SLC2A10: variants seen among roughly 807,000 people sequenced by gnomAD.
SLC2A10 encodes solute carrier family 2 member 10.
In SLC2A10, 25 loss-of-function variants were observed where a neutral mutation model predicts 32.1. That is an observed-to-expected ratio of 0.78 (90% CI 0.57 to 1.09). The LOEUF is 1.09. SLC2A10 is among the 50% of genes least tolerant of loss of function. The pLI is 0.00. For synonymous variants in SLC2A10, 332 were observed against 309.6 expected (o/e 1.07, Z -0.76); for missense variants, 673 against 686.5 (o/e 0.98, Z 0.22).
Position 46,726,380 on chromosome 20 carries a change from A to T in SLC2A10, c.1288+56A>T, listed in dbSNP as rs1393507309. ...GAGACTTCTACCCCTCCTAGGGGGA[A>T]GTTTGGGGACTTCCCACCCTGATGA... On this transcript the variant is annotated intron_variant, in intron 2 of 4. Coordinates refer to ENST00000359271, the MANE Select transcript of SLC2A10 (RefSeq NM_030777.4). The T allele has an allele frequency of 5.0e-6, 8 of 1,585,206 alleles. No individual in the cohort carries two copies. In the African/African-American group the frequency reaches 5.4e-5, roughly 11 times the overall value.
rs1380674358 is a variant in SLC2A10, at chr20:46,729,338, C to T, written c.1412-15C>T. 2 of 1,613,110 alleles carry T rather than the reference C, an allele frequency of 1.2e-6. No homozygotes were observed. Among genetic ancestry groups the T allele is most frequent in the South Asian group, 2.2e-5 (2 of 91,036 alleles). ...GCTTGGTCCTGGGCCTACACTCCCG[C>T]CCTCCTGTTTCCAGGCACCATCGGC... On this transcript the variant is annotated splice_polypyrimidine_tract_variant and intron_variant, in intron 3 of 4. Coordinates refer to ENST00000359271, the MANE Select transcript of SLC2A10 (RefSeq NM_030777.4).
chr20:46,714,245 C>T (rs1046157706), intron 1 of SLC2A10, among the ~76,000 whole-genome samples: 1 of 152,226 alleles, frequency 6.6e-6, no homozygotes, highest in Non-Finnish European at 1.5e-5. Context: ...CAAACACACC[C>T]GGTCCGACTC....
chr20:46,710,720 A>G (rs533751068), intron 1 of SLC2A10, among the ~76,000 whole-genome samples: 1 of 152,318 alleles, frequency 6.6e-6, no homozygotes, highest in South Asian at 2.1e-4. Flanking sequence ...CAGGATGGCC[A>G]GAGCACAGCG....
At chr20:46,713,832 G>C (rs1979069392) in intron 1 of SLC2A10, among the ~76,000 whole-genome samples, 1 of 152,182 alleles carries the variant, frequency 6.6e-6, no homozygotes, top group Non-Finnish European at 1.5e-5. Flanking sequence ...GGCCCCGGAG[G>C]CTCAGGACGA....
chr20:46,723,361 C>A (rs1197643921), intron 1 of SLC2A10, among the ~76,000 whole-genome samples: 3 of 152,250 alleles, frequency 2.0e-5, no homozygotes, highest in Admixed American at 6.5e-5. Flanking sequence ...ACCAAAAAAA[C>A]TCCCTCTTCC....
At chr20:46,721,395 T>C (rs1318636626) in intron 1 of SLC2A10, among the ~76,000 whole-genome samples, 1 of 150,134 alleles carries the variant, frequency 6.7e-6, no homozygotes, top group Non-Finnish European at 1.5e-5. Flanking sequence ...CTACTATATA[T>C]GTGTAAAAAT....
chr20:46,715,989 G>A (rs1979215552), intron 1 of SLC2A10, among the ~76,000 whole-genome samples: 2 of 151,600 alleles, frequency 1.3e-5, no homozygotes, highest in Non-Finnish European at 2.9e-5. Context: ...CCACCACCCT[G>A]CCTGGCTAAT....
intron 1 of SLC2A10, chr20:46,710,199 G>GGAC: frequency 2.4e-6 from 1 of 416,880 alleles, no homozygotes; most frequent in Non-Finnish European, 4.2e-6. Flanking sequence ...CCCCTCCTCT[G>GGAC]GACGTGATTC....
In SLC2A10 at chr20:46,726,895, T is replaced by C. The variant is rs775312063; in HGVS notation, c.1320T>C (p.Pro440=). Residue 440 remains proline, a synonymous_variant, in exon 3 of 5, where the codon CCT becomes CCC. Transcript: ENST00000359271. The stretch of plus-strand genomic sequence containing the variant: ...GGCTTGTCCTCAGCGAGATCTACCC[T>C]GTGGAGATACGAGGAAGAGCCTTCG... ...VTWLVLSEIY[P]VEIRGRAFAF... 37 of 1,614,150 alleles carry C rather than the reference T, an allele frequency of 2.3e-5. 2 individuals carry two copies. The South Asian group carries it at 4.1e-4, about 18-fold the overall frequency.
upstream of SLC2A10, among the ~76,000 whole-genome samples, chr20:46,708,767 C>T (rs555407391): frequency 3.9e-5 from 6 of 152,196 alleles, no homozygotes; most frequent in Non-Finnish European, 7.3e-5. Flanking sequence ...AAAGCCCCTC[C>T]CTTAGCTCCC....
At chr20:46,729,209 T>C in intron 3 of SLC2A10, 144 bp from the exon 4 acceptor site, 1 of 982,292 alleles carries the variant, frequency 1.0e-6, no homozygotes, top group Non-Finnish European at 1.6e-6. Context: ...GACAGCTTAT[T>C]GGTCACTCTG....
chr20:46,730,420 C>T (rs1052163579), intron 4 of SLC2A10, among the ~76,000 whole-genome samples: 3 of 151,890 alleles, frequency 2.0e-5, no homozygotes. Context: ...ACAGGAGGAA[C>T]AAAGAAGAAA....
At chr20:46,733,717 C>T (rs1980416312) in intron 4 of SLC2A10, 39 bp from the exon 5 acceptor site, 16 of 1,584,922 alleles carry the variant, frequency 1.0e-5, no homozygotes, top group Non-Finnish European at 1.4e-5. Context: ...GGCCCCAGGC[C>T]CTGCCACCCC....
At chr20:46,729,512 T>A (rs755292223) in intron 4 of SLC2A10, 24 bp downstream of exon 4, 1 of 1,611,896 alleles carries the variant, frequency 6.2e-7, no homozygotes, top group South Asian at 1.1e-5. Context: ...AGGGTGGGTC[T>A]GGGGGAAGAG....
chr20:46,708,446 T>G (rs1002101638), upstream of SLC2A10, among the ~76,000 whole-genome samples: 3 of 152,200 alleles, frequency 2.0e-5, no homozygotes, highest in African/African-American at 7.2e-5. Flanking sequence ...CATAGCCAAC[T>G]GCCCACCTAT....
At chr20:46,733,349 G>T (rs989289079) in intron 4 of SLC2A10, among the ~76,000 whole-genome samples, 1 of 152,110 alleles carries the variant, frequency 6.6e-6, no homozygotes, top group African/African-American at 2.4e-5. Context: ...ACTACCAAAA[G>T]GGATGGTGTT....
chr20:46,733,956 AG>A lies in SLC2A10; in HGVS notation c.*124del. 1 of 905,418 alleles carries A rather than the reference AG, an allele frequency of 1.1e-6. No individual in the cohort carries two copies. Among genetic ancestry groups the A allele is most frequent in the Non-Finnish European group, 1.8e-6 (1 of 563,570 alleles). 56.1% of individuals were successfully genotyped at this position (905,418 alleles called of 1,614,324 possible). A position where few individuals can be genotyped will look rare whatever the true frequency, so the allele number is the denominator to read the frequency against. On this transcript the variant is annotated 3_prime_UTR_variant, in exon 5 of 5. Coordinates refer to ENST00000359271, the MANE Select transcript of SLC2A10 (RefSeq NM_030777.4). ...TTTTGGGAGTGGCCCCTGCCCCCAA[AG>A]GTGGTCTGCTTTTGCTGGGGTAAAA...
chr20:46,726,750 A>G (rs937010377), intron 2 of SLC2A10, 114 bp from the exon 3 acceptor site: 6 of 1,382,490 alleles, frequency 4.3e-6, no homozygotes, highest in Non-Finnish European at 6.1e-6. Context: ...GGAGTTTAGT[A>G]TCAGGAGCCT....
At position 46,735,688 on chromosome 20, in the gene SLC2A10, T is replaced by C. The variant is rs952460870; in HGVS notation, c.*1854T>C. On this transcript the variant is annotated 3_prime_UTR_variant, in exon 5 of 5. Coordinates refer to ENST00000359271, the MANE Select transcript of SLC2A10 (RefSeq NM_030777.4). ...GGACTACACATCAGGGCTTGATTTA[T>C]TGTTTGTTGATTTTCTAGACTTCAG... is the stretch of plus-strand genomic sequence containing the variant. 2.0e-5 allele frequency: 3 copies of C among 152,224 alleles called. No homozygotes were observed. Among genetic ancestry groups the C allele is most frequent in the Non-Finnish European group, 4.4e-5 (3 of 68,034 alleles). 9.4% of individuals were successfully genotyped at this position (152,224 alleles called of 1,614,324 possible). A position where few individuals can be genotyped will look rare whatever the true frequency, so the allele number is the denominator to read the frequency against.
Sources: gnomAD v4.1 joint callset for allele counts (sites outside exome capture counted in the v4.1 genomes callset) on GRCh38, gnomAD v4.1.1 for gene constraint, MANE v1.5 for transcripts, NCBI Gene and HGNC (gene_info 2026-07-23, HGNC 2026-07-21) for gene names.